NYX: variants seen among roughly 807,000 people sequenced by gnomAD.
NYX encodes the protein leucine-rich repeat protein.
For synonymous variants in NYX, 258 were observed against 245.7 expected (o/e 1.05, Z -0.47); for missense variants, 481 against 485.4 (o/e 0.99, Z 0.09).
At chrX:41,460,094 A>G (rs1179444206) in intron 2 of NYX, among the ~76,000 whole-genome samples, 1 of 109,041 alleles carries the variant, frequency 9.2e-6, no homozygotes, top group African/African-American at 3.3e-5. Context: ...TGCAGTTTTA[A>G]TTTGCATTTC....
intron 2 of NYX, among the ~76,000 whole-genome samples, chrX:41,471,495 A>G (rs1477219745): frequency 1.8e-5 from 2 of 112,219 alleles, no homozygotes; most frequent in South Asian, 3.6e-4. Context: ...CTTTTAATCT[A>G]TAACTAAGGT....
chrX:41,464,033 C>T (rs2064329730), intron 2 of NYX, among the ~76,000 whole-genome samples: 1 of 111,723 alleles, frequency 9.0e-6, no homozygotes, highest in Non-Finnish European at 1.9e-5. Flanking sequence ...TTTTGTTTAC[C>T]TGAAAATATC....
chrX:41,463,936 A>G (rs149153487), intron 2 of NYX, among the ~76,000 whole-genome samples: 1,518 of 111,487 alleles, frequency 0.014, 29 homozygotes, highest in African/African-American at 0.047. Flanking sequence ...TTGTAGACCT[A>G]ATTTTCATCT....
Position 41,474,035 on chromosome X carries a change from C to G in NYX, c.567C>G (p.Ile189Met). ...LTHAHLERGR[I>M]EAVASSSLQG... is the part of the protein sequence containing the mutation. The stretch of plus-strand genomic sequence containing the variant: ...ACGCGCACCTGGAGCGCGGCCGCAT[C>G]GAGGCGGTGGCCTCCAGCTCGCTGC... The change falls in exon 3 of 3, where the codon ATC becomes ATG. Residue 189 changes from isoleucine to methionine, a missense_variant. Transcript: ENST00000378220. 1.9e-6 allele frequency: 2 copies of G among 1,054,111 alleles called. No individual in the cohort carries two copies. The highest frequency in any genetic ancestry group is 2.4e-6 in the Non-Finnish European group (2 of 826,664). 86.9% of individuals were successfully genotyped at this position (1,054,111 alleles called of 1,213,427 possible).
At chrX:41,471,926 T>C (rs1437652737) in intron 2 of NYX, among the ~76,000 whole-genome samples, 1 of 109,695 alleles carries the variant, frequency 9.1e-6, no homozygotes, top group Non-Finnish European at 1.9e-5. Flanking sequence ...TGCAACCTCT[T>C]TAATAAACAA....
chrX:41,453,746 G>A (rs917457112), intron 2 of NYX, among the ~76,000 whole-genome samples: 7 of 112,513 alleles, frequency 6.2e-5, no homozygotes, highest in East Asian at 5.6e-4. Context: ...GTGAGCCACC[G>A]TGCCAGGCCT....
intron 2 of NYX, among the ~76,000 whole-genome samples, chrX:41,455,259 C>T (rs979311120): frequency 9.1e-6 from 1 of 109,850 alleles, no homozygotes; most frequent in African/African-American, 3.3e-5. Context: ...GCGCCCACCA[C>T]CATGCCCGGC....
chrX:41,448,441 A>G (rs1164490961), intron 2 of NYX, among the ~76,000 whole-genome samples: 1 of 107,033 alleles, frequency 9.3e-6, no homozygotes, highest in Non-Finnish European at 1.9e-5. Context: ...ACGGGGTTTC[A>G]CCATGTTAGC....
chrX:41,465,858 G>A (rs1290474232), intron 2 of NYX, among the ~76,000 whole-genome samples: 1 of 109,128 alleles, frequency 9.2e-6, no homozygotes, highest in Non-Finnish European at 1.9e-5. Flanking sequence ...CCTGTCACTG[G>A]GCAATTGCTA....
chrX:41,466,167 C>T lies in NYX; in HGVS notation c.23-7324C>T, dbSNP rs192171650. Among the ~76,000 whole-genome samples the T allele has an allele frequency of 2.3e-3, 255 of 111,953 alleles. 2 individuals are homozygous for T. The highest frequency in any genetic ancestry group is 9.9e-3 in the Admixed American group (104 of 10,482). On this transcript the variant is annotated intron_variant, in intron 2 of 2. Transcript: ENST00000378220. ...TGAGAGAGCCGGGCCCAGAGGCTCA[C>T]GCCTGTGATCCCAGCACTTTGGGAG...
At chrX:41,457,672 T>C (rs1289098052) in intron 2 of NYX, among the ~76,000 whole-genome samples, 1 of 111,982 alleles carries the variant, frequency 8.9e-6, no homozygotes, top group Non-Finnish European at 1.9e-5. Context: ...AGTTATTCAC[T>C]GCCTATTCCA....
intron 2 of NYX, among the ~76,000 whole-genome samples, chrX:41,460,419 C>T (rs771258091): frequency 5.3e-4 from 59 of 112,064 alleles, no homozygotes; most frequent in African/African-American, 1.8e-3. Context: ...CTGCCCACCT[C>T]GGCCTCCCAA....
In NYX at chrX:41,447,936, C is replaced by T. The variant is rs1293658225; in HGVS notation, c.22+10C>T. ...GTCCTGCTTCTGCATGGTGAGTTCT[C>T]CTGCCGGTGGGTGCAAGGGTTGGGA... On this transcript the variant is annotated intron_variant, in intron 2 of 2. Coordinates refer to ENST00000378220, the MANE Select transcript of NYX (RefSeq NM_001378477.3). 1 of 1,206,797 alleles carries T rather than the reference C, an allele frequency of 8.3e-7. No homozygotes were observed. The highest frequency in any genetic ancestry group is 1.8e-5 in the African/African-American group (1 of 56,872).
intron 2 of NYX, among the ~76,000 whole-genome samples, chrX:41,460,036 T>A (rs1392381555): frequency 9.0e-6 from 1 of 111,283 alleles, no homozygotes; most frequent in Admixed American, 9.7e-5. Context: ...TCCATCCTCA[T>A]CAACATATGG....
At chrX:41,464,106 AT>A (rs1569264939) in intron 2 of NYX, among the ~76,000 whole-genome samples, 1 of 108,293 alleles carries the variant, frequency 9.2e-6, no homozygotes, top group Non-Finnish European at 1.9e-5. Context: ...AGGTTGCCAA[AT>A]TTTGCTTTTC....
chrX:41,452,129 G>A (rs1466785777), intron 2 of NYX, among the ~76,000 whole-genome samples: 1 of 110,171 alleles, frequency 9.1e-6, no homozygotes, highest in African/African-American at 3.3e-5. Context: ...GCACCACCAT[G>A]CCTGGCTAAT....
chrX:41,454,137 T>C (rs1002343433), intron 2 of NYX, among the ~76,000 whole-genome samples: 2 of 111,752 alleles, frequency 1.8e-5, no homozygotes, highest in African/African-American at 3.2e-5. Flanking sequence ...ATGTAATTGA[T>C]CTGATGTATG....
chrX:41,473,282 C>G (rs2064369251), intron 2 of NYX, among the ~76,000 whole-genome samples: 1 of 110,741 alleles, frequency 9.0e-6, no homozygotes, highest in South Asian at 3.8e-4. Flanking sequence ...AACCGGAAAG[C>G]AAAGGAGCGG....
rs747612433 is a variant in NYX, at chrX:41,473,475, C to G, written c.23-16C>G. Reference sequence around the variant, plus strand: ...TTTCTCCTCCTTCCCGACTCCCCACCACCCTGTCCCCGCAGCGGTGGTCCT... The same window carrying G: ...TTTCTCCTCCTTCCCGACTCCCCACGACCCTGTCCCCGCAGCGGTGGTCCT... On this transcript the variant is annotated splice_polypyrimidine_tract_variant and intron_variant, in intron 2 of 2. Transcript: ENST00000378220. 3 of 969,706 alleles carry G rather than the reference C, an allele frequency of 3.1e-6. No homozygotes were observed. Among genetic ancestry groups the G allele is most frequent in the South Asian group, 6.9e-5 (2 of 28,930 alleles). 79.9% of individuals were successfully genotyped at this position (969,706 alleles called of 1,213,427 possible). A position where few individuals can be genotyped will look rare whatever the true frequency, so the allele number is the denominator to read the frequency against.
Sources: allele counts gnomAD v4.1 joint callset (sites outside exome capture counted in the v4.1 genomes callset), GRCh38; gene constraint gnomAD v4.1.1; transcripts MANE v1.5; gene names NCBI Gene and HGNC (gene_info 2026-07-23, HGNC 2026-07-21).